Variants in SH3BP5 observed in about 807,000 individuals in gnomAD.
The protein encoded by SH3BP5 is SH3 domain binding protein 5.
Under a neutral mutation model 43.3 loss-of-function variants are expected in SH3BP5, and 22 were observed. The ratio of observed to expected loss-of-function variants is 0.51; its 90% CI spans 0.36 to 0.73. The LOEUF (loss-of-function observed/expected upper bound fraction) is 0.73, where lower values mean the gene tolerates loss of function less well. Ranked by LOEUF, SH3BP5 falls within the 30% of genes least tolerant of loss-of-function variation. The pLI is 0.00. For synonymous variants in SH3BP5, 255 were observed against 225.8 expected (o/e 1.13, Z -1.16); for missense variants, 529 against 586.9 (o/e 0.90, Z 1.02).
chr3:15,327,090 C>T (rs115586817), intron 2 of SH3BP5, among the ~76,000 whole-genome samples: 2,104 of 152,160 alleles, frequency 0.014, 53 homozygotes, highest in African/African-American at 0.046. Context: ...AGACTGGGCA[C>T]GGTGGCTCAC....
At chr3:15,259,881 G>A (rs1458093559) in intron 5 of SH3BP5, 78 bp from the exon 6 acceptor site, 9 of 1,340,102 alleles carry the variant, frequency 6.7e-6, no homozygotes, top group African/African-American at 4.3e-5. Flanking sequence ...TGAACAAGAG[G>A]CATCAGCTAC....
upstream of SH3BP5, chr3:15,333,318 T>G: frequency 1.0e-6 from 1 of 971,762 alleles, no homozygotes; most frequent in Admixed American, 6.1e-5. Flanking sequence ...CACTGTGATG[T>G]CAGGGGAACG....
At chr3:15,271,238 C>T (rs1696788715) in intron 3 of SH3BP5, among the ~76,000 whole-genome samples, 1 of 152,010 alleles carries the variant, frequency 6.6e-6, no homozygotes, top group South Asian at 2.1e-4. Context: ...ATTATCCGAG[C>T]ATGGTGGCAC....
chr3:15,265,391 C>T (rs997889579), intron 4 of SH3BP5, among the ~76,000 whole-genome samples: 1 of 152,064 alleles, frequency 6.6e-6, no homozygotes, highest in African/African-American at 2.4e-5. Flanking sequence ...TGGTTGGTGC[C>T]TGTAGTCCCA....
intron 1 of SH3BP5, 87 bp downstream of exon 1, chr3:15,332,184 G>A: frequency 6.5e-7 from 1 of 1,532,872 alleles, no homozygotes; most frequent in Non-Finnish European, 8.7e-7. Flanking sequence ...CAGTTACTGG[G>A]GGCTGCGAAG....
rs1308127002 is a variant in SH3BP5, at chr3:15,271,937, G to GCGTCCCACCACCCTCCCT, written c.331-2078_331-2061dup. On this transcript the variant is annotated intron_variant, in intron 3 of 8. Coordinates refer to ENST00000383791, the MANE Select transcript of SH3BP5 (RefSeq NM_004844.5). ...TAGAAGCCACAAACCCGCCTCTGCA[G>GCGTCCCACCACCCTCCCT]CGTCCCACCACCCTCCCTCGTCCCA... Among the ~76,000 whole-genome samples the GCGTCCCACCACCCTCCCT allele has an allele frequency of 1.6e-4, 25 of 152,146 alleles. No individual in the cohort carries two copies. The South Asian group carries it at 2.5e-3, about 15-fold the overall frequency.
intron 1 of SH3BP5, 76 bp from the exon 2 acceptor site, chr3:15,330,642 T>G: frequency 1.4e-6 from 2 of 1,394,206 alleles, no homozygotes; most frequent in Non-Finnish European, 1.9e-6. Context: ...GTCCATAACC[T>G]GAAAAATTAC....
chr3:15,256,214 T>G lies in SH3BP5; in HGVS notation c.1240A>C (p.Ser414Arg). The change falls in exon 9 of 9, where the codon AGT (serine) becomes CGT (arginine). Residue 414 changes from serine to arginine, a missense_variant. By Grantham distance (110) the Ser-to-Arg change is moderately radical. Coordinates refer to ENST00000383791, the MANE Select transcript of SH3BP5 (RefSeq NM_004844.5). ...GGGGAGGTGCTGCTTTGGCTCTTAC[T>G]GCTGCCACCACTGCCACTGCTACTG... ...LSSSSGSGGS[S>R]KSQSSTSPEG... is the part of the protein sequence containing the mutation. 6.2e-7 allele frequency: 1 copy of G among 1,614,214 alleles called. No homozygotes were observed. The highest frequency in any genetic ancestry group is 8.5e-7 in the Non-Finnish European group (1 of 1,180,020).
intron 2 of SH3BP5, among the ~76,000 whole-genome samples, chr3:15,319,772 T>C (rs1204199412): frequency 2.0e-5 from 3 of 152,174 alleles, no homozygotes; most frequent in East Asian, 1.9e-4. Flanking sequence ...CAGCATCCTC[T>C]GTCAGACACA....
At chr3:15,319,218 C>T in intron 2 of SH3BP5, among the ~76,000 whole-genome samples, 1 of 152,130 alleles carries the variant, frequency 6.6e-6, no homozygotes, top group East Asian at 1.9e-4. Context: ...CGAAGAATTC[C>T]CTATGGCAAG....
At chr3:15,292,695 A>C (rs1029743468) in intron 3 of SH3BP5, among the ~76,000 whole-genome samples, 2 of 152,118 alleles carry the variant, frequency 1.3e-5, no homozygotes, top group African/African-American at 4.8e-5. Context: ...CTAAAAATAC[A>C]AAATTAGCTG....
At chr3:15,261,993 A>G (rs781188831) in intron 5 of SH3BP5, among the ~76,000 whole-genome samples, 166 bp downstream of exon 5, 2 of 152,084 alleles carry the variant, frequency 1.3e-5, no homozygotes, top group Non-Finnish European at 2.9e-5. Context: ...GGGGTCATAG[A>G]ATATTAGGGG....
chr3:15,322,702 G>T (rs1323555492), intron 2 of SH3BP5, among the ~76,000 whole-genome samples: 3 of 152,182 alleles, frequency 2.0e-5, no homozygotes, highest in East Asian at 3.9e-4. Flanking sequence ...AGGCGTGGTG[G>T]CGCACTCCTG....
chr3:15,259,496 G>A, intron 6 of SH3BP5: 2 of 578,364 alleles, frequency 3.5e-6, no homozygotes. Context: ...GTCTCCAGGT[G>A]ATGCTGATGC....
intron 2 of SH3BP5, among the ~76,000 whole-genome samples, chr3:15,320,479 T>C (rs1327813911): frequency 1.3e-5 from 2 of 152,120 alleles, no homozygotes; most frequent in African/African-American, 4.8e-5. Flanking sequence ...GTATAGTCTT[T>C]AATGTTGGAA....
At chr3:15,307,470 G>A (rs962088569) in intron 2 of SH3BP5, among the ~76,000 whole-genome samples, 4 of 152,194 alleles carry the variant, frequency 2.6e-5, no homozygotes, top group South Asian at 2.1e-4. Context: ...AATCAGGGCC[G>A]TCTCTATGAA....
intron 2 of SH3BP5, among the ~76,000 whole-genome samples, chr3:15,321,845 C>T (rs1440373127): frequency 6.6e-6 from 1 of 151,904 alleles, no homozygotes; most frequent in Non-Finnish European, 1.5e-5. Flanking sequence ...GTCTTACTCT[C>T]AATTTCTGTA....
chr3:15,308,219 T>C (rs893477738), intron 2 of SH3BP5, among the ~76,000 whole-genome samples: 1 of 152,184 alleles, frequency 6.6e-6, no homozygotes, highest in Admixed American at 6.5e-5. Context: ...ACGCTGCCTT[T>C]GTGGAGAAAG....
At chr3:15,328,343 T>C (rs1308333903) in intron 2 of SH3BP5, among the ~76,000 whole-genome samples, 2 of 151,956 alleles carry the variant, frequency 1.3e-5, no homozygotes, top group Non-Finnish European at 2.9e-5. Flanking sequence ...GGGGCTGAGA[T>C]GTGGGCCATC....
Sources: gnomAD v4.1 joint callset for allele counts (sites outside exome capture counted in the v4.1 genomes callset) on GRCh38, gnomAD v4.1.1 for gene constraint, MANE v1.5 for transcripts, NCBI Gene and HGNC (gene_info 2026-07-23, HGNC 2026-07-21) for gene names.